Variants in PDSS2 observed in about 807,000 individuals in gnomAD.
PDSS2 encodes all trans-polyprenyl-diphosphate synthase PDSS2.
In PDSS2, 31 loss-of-function variants were observed where a neutral mutation model predicts 44.5. The ratio of observed to expected loss-of-function variants is 0.70; its 90% CI spans 0.52 to 0.94. The LOEUF (loss-of-function observed/expected upper bound fraction) is 0.94, where lower values mean the gene tolerates loss of function less well. Among genes scored for constraint, PDSS2 ranks in the 40% least tolerant of loss-of-function variants. The probability of loss-of-function intolerance (pLI) is 0.00; values close to 1 mark genes in which losing one functional copy is unlikely to be tolerated. For synonymous variants in PDSS2, 157 were observed against 180.3 expected (o/e 0.87, Z 1.03); for missense variants, 452 against 482.2 (o/e 0.94, Z 0.59).
intron 3 of PDSS2, among the ~76,000 whole-genome samples, chr6:107,257,243 T>C (rs1344279190): frequency 6.6e-6 from 1 of 151,188 alleles, no homozygotes; most frequent in Non-Finnish European, 1.5e-5. Flanking sequence ...TTGGATCAAA[T>C]AATGGATACC....
chr6:107,154,005 G>A lies in PDSS2; in HGVS notation c.*614C>T, dbSNP rs1171158872. On this transcript the variant is annotated 3_prime_UTR_variant, in exon 8 of 8. Coordinates refer to ENST00000369037, the MANE Select transcript of PDSS2 (RefSeq NM_020381.4). ...CAGGAGAATCACTTGAACCCAGGAG[G>A]CGGAGGTTGCAGTGAGTCAAAACTG... The A allele has an allele frequency of 6.5e-6, 1 of 152,820 alleles. No individual in the cohort carries two copies. Among genetic ancestry groups the A allele is most frequent in the African/African-American group, 2.4e-5 (1 of 41,426 alleles). The allele number at this position is 152,820 out of a possible 1,614,324, so 9.5% of individuals were successfully genotyped here.
chr6:107,269,960 C>T (rs952711020), intron 3 of PDSS2, among the ~76,000 whole-genome samples: 16 of 152,116 alleles, frequency 1.1e-4, no homozygotes, highest in African/African-American at 3.6e-4. Context: ...AGCCACCGTG[C>T]CCAAATGCCA....
chr6:107,187,958 A>T (rs929891252), intron 7 of PDSS2, among the ~76,000 whole-genome samples: 1 of 152,224 alleles, frequency 6.6e-6, no homozygotes, highest in Non-Finnish European at 1.5e-5. Context: ...AGAAAAAAAC[A>T]GAGCAAAGGT....
chr6:107,226,895 G>C (rs564083143), intron 4 of PDSS2, among the ~76,000 whole-genome samples: 37 of 151,228 alleles, frequency 2.4e-4, no homozygotes, highest in African/African-American at 8.5e-4. Flanking sequence ...CTGGTCTTGA[G>C]CTCCTGATCT....
intron 3 of PDSS2, among the ~76,000 whole-genome samples, chr6:107,254,852 T>C (rs1774952356): frequency 6.6e-6 from 1 of 151,014 alleles, no homozygotes; most frequent in Non-Finnish European, 1.5e-5. Context: ...TAAATACATG[T>C]GCATATATAA....
intron 1 of PDSS2, among the ~76,000 whole-genome samples, chr6:107,435,394 TA>T: frequency 6.6e-6 from 1 of 152,112 alleles, no homozygotes; most frequent in East Asian, 1.9e-4. Context: ...CATTGTCATA[TA>T]GTCACACTTG....
At position 107,265,856 on chromosome 6, in the gene PDSS2, C is replaced by A. The variant is rs1775395012; in HGVS notation, c.630+8173G>T. Among the ~76,000 whole-genome samples the A allele has an allele frequency of 2.0e-5, 3 of 152,316 alleles. No individual in the cohort carries two copies. In the South Asian group the frequency reaches 6.2e-4, roughly 32 times the overall value. The stretch of plus-strand genomic sequence containing the variant: ...TTGAGAGGCTGTGGCAGGAGAATCA[C>A]TTGAACCCGAGAGGCGGAGGTTGCA... On this transcript the variant is annotated intron_variant, in intron 3 of 7. Transcript: ENST00000369037.
chr6:107,274,162 A>T lies in PDSS2; in HGVS notation c.497T>A (p.Val166Glu). 1 of 1,613,894 alleles carries T rather than the reference A, an allele frequency of 6.2e-7. No individual in the cohort carries two copies. The highest frequency in any genetic ancestry group is 8.5e-7 in the Non-Finnish European group (1 of 1,179,778). The stretch of plus-strand genomic sequence containing the variant: ...AGATGATTGCAACTCATTTAAATTT[A>T]CTATCCCACGATGTACAAGGAGAGC... ...HIALLVHRGI[V>E]NLNELQSSDG... The change falls in exon 3 of 8, where the codon GTA becomes GAA. Residue 166 changes from valine (V) to glutamate (E), a missense_variant. By Grantham distance (121) the Val-to-Glu change is moderately radical (BLOSUM62 -2). Coordinates refer to ENST00000369037, the MANE Select transcript of PDSS2 (RefSeq NM_020381.4).
At chr6:107,399,424 C>G (rs1041215617) in intron 1 of PDSS2, among the ~76,000 whole-genome samples, 9 of 152,206 alleles carry the variant, frequency 5.9e-5, no homozygotes, top group Non-Finnish European at 1.3e-4. Context: ...ATCTTCTTCA[C>G]AGTCCTGAAA....
At chr6:107,276,108 C>A (rs1406023849) in intron 2 of PDSS2, among the ~76,000 whole-genome samples, 1 of 1,200 alleles carries the variant, frequency 8.3e-4, no homozygotes. Flanking sequence ...GAGTGAGACC[C>A]TATCTCAAAA....
At position 107,253,099 on chromosome 6, in the gene PDSS2, G is replaced by T. The variant is rs868235238; in HGVS notation, c.631-7480C>A. Reference sequence around the variant, plus strand: ...CACCCAGGCTGGAGTGCGGTGGCTTGATCTTGGCACATTGCAACCTCCACC... The same window carrying T: ...CACCCAGGCTGGAGTGCGGTGGCTTTATCTTGGCACATTGCAACCTCCACC... On this transcript the variant is annotated intron_variant, in intron 3 of 7. Coordinates refer to ENST00000369037, the MANE Select transcript of PDSS2 (RefSeq NM_020381.4). 6.6e-5 allele frequency among the ~76,000 whole-genome samples: 10 copies of T among 152,330 alleles called. No homozygotes were observed. In the South Asian group the frequency reaches 1.9e-3, roughly 28 times the overall value.
chr6:107,296,962 G>C (rs1022590502), intron 2 of PDSS2, among the ~76,000 whole-genome samples: 1 of 152,168 alleles, frequency 6.6e-6, no homozygotes, highest in African/African-American at 2.4e-5. Context: ...TGTAAGAGAA[G>C]TGGAAATCCC....
At chr6:107,443,090 T>C (rs1437481450) in intron 1 of PDSS2, among the ~76,000 whole-genome samples, 1 of 152,206 alleles carries the variant, frequency 6.6e-6, no homozygotes, top group East Asian at 1.9e-4. Flanking sequence ...CAGTGTCTGG[T>C]GTTGTTTCCC....
intron 4 of PDSS2, among the ~76,000 whole-genome samples, chr6:107,220,369 T>A (rs964649724): frequency 6.6e-6 from 1 of 152,078 alleles, no homozygotes; most frequent in Non-Finnish European, 1.5e-5. Context: ...CCTCATTTAT[T>A]CATGCAAAAA....
rs554217178 is a variant in PDSS2 at position 107,254,226 on chromosome 6, G to A, written c.631-8607C>T. 9.7e-4 allele frequency among the ~76,000 whole-genome samples: 147 copies of A among 151,856 alleles called. 3 individuals are homozygous for A. The highest frequency in any genetic ancestry group is 1.3e-4 in the Non-Finnish European group (9 of 67,962). On this transcript the variant is annotated intron_variant, in intron 3 of 7. Transcript: ENST00000369037. ...TTTTTGTATTTTTAGTAGAGATGGG[G>A]TTTCACCATGTTGGTCAGGCTGGTC...
At chr6:107,169,174 TTATTTTTCC>T (rs782268400) in intron 7 of PDSS2, among the ~76,000 whole-genome samples, 21 of 152,118 alleles carry the variant, frequency 1.4e-4, no homozygotes, top group Admixed American at 1.3e-4. Flanking sequence ...CTTTGTTTGT[TTATTTTTCC>T]TCTTTTTTCT....
At chr6:107,189,380 C>T (rs1472211377) in intron 7 of PDSS2, among the ~76,000 whole-genome samples, 1 of 151,994 alleles carries the variant, frequency 6.6e-6, no homozygotes, top group East Asian at 1.9e-4. Flanking sequence ...CTCTGTTGTC[C>T]AGGCTGGAAT....
chr6:107,300,173 G>A (rs931498198), intron 2 of PDSS2, among the ~76,000 whole-genome samples: 11 of 152,016 alleles, frequency 7.2e-5, no homozygotes, highest in Admixed American at 3.3e-4. Context: ...TTCCAGAATC[G>A]AAGCTGTAAA....
At chr6:107,241,510 C>T (rs373613893) in intron 4 of PDSS2, among the ~76,000 whole-genome samples, 5 of 151,596 alleles carry the variant, frequency 3.3e-5, no homozygotes, top group Admixed American at 3.3e-4. Context: ...CCACGCCCAG[C>T]TAATTTTTTG....
Sources: gnomAD v4.1 joint callset for allele counts (sites outside exome capture counted in the v4.1 genomes callset) on GRCh38, gnomAD v4.1.1 for gene constraint, MANE v1.5 for transcripts, NCBI Gene and HGNC (gene_info 2026-07-23, HGNC 2026-07-21) for gene names.